Variants in SLC44A5 observed in about 807,000 individuals in gnomAD.
SLC44A5 encodes solute carrier family 44 member 5, also known as choline transporter-like protein 5.
SLC44A5 carries 57 observed loss-of-function variants against 101.8 expected under a neutral mutation model. The observed-to-expected ratio is 0.56, with a 90% CI of 0.45 to 0.70. The LOEUF (loss-of-function observed/expected upper bound fraction) is 0.70. Among genes scored for constraint, SLC44A5 ranks in the 30% least tolerant of loss-of-function variants. SLC44A5 has a pLI of 0.00. For synonymous variants in SLC44A5, 281 were observed against 290.9 expected (o/e 0.97, Z 0.35); for missense variants, 737 against 853.1 (o/e 0.86, Z 1.70).
At chr1:75,245,783 A>C (rs1057231199) in intron 7 of SLC44A5, among the ~76,000 whole-genome samples, 1 of 152,164 alleles carries the variant, frequency 6.6e-6, no homozygotes, top group Non-Finnish European at 1.5e-5. Flanking sequence ...CTGTTAAAAA[A>C]CAATACAACT....
At chr1:75,608,505 A>T (rs1402175828) in intron 1 of SLC44A5, among the ~76,000 whole-genome samples, 3 of 152,040 alleles carry the variant, frequency 2.0e-5, no homozygotes, top group Admixed American at 1.3e-4. Flanking sequence ...CAATTATTTT[A>T]AAATGTAAGT....
At chr1:75,516,828 G>A (rs1195778886) in intron 2 of SLC44A5, among the ~76,000 whole-genome samples, 1 of 152,120 alleles carries the variant, frequency 6.6e-6, no homozygotes, top group African/African-American at 2.4e-5. Context: ...GTCATATGGT[G>A]TATTTAAATT....
chr1:75,221,809 A>C (rs1647087577), intron 14 of SLC44A5, among the ~76,000 whole-genome samples: 1 of 152,176 alleles, frequency 6.6e-6, no homozygotes, highest in African/African-American at 2.4e-5. Flanking sequence ...ACGTAGACTA[A>C]ATAGGTTTTA....
the SLC44A5 span, among the ~76,000 whole-genome samples, chr1:75,674,620 TC>T: frequency 5.0e-4 from 10 of 19,930 alleles, no homozygotes; most frequent in South Asian, 5.4e-3. Context: ...GCTCGGGTGA[TC>T]CCCCCCAACC....
chr1:75,545,459 A>G (rs1010322297), intron 1 of SLC44A5, among the ~76,000 whole-genome samples: 2 of 152,182 alleles, frequency 1.3e-5, no homozygotes, highest in Admixed American at 1.3e-4. Flanking sequence ...GTTCTGTATG[A>G]TGTTTCCACT....
chr1:75,645,754 T>C, the SLC44A5 span, among the ~76,000 whole-genome samples: 2 of 136,404 alleles, frequency 1.5e-5, 1 homozygote, highest in Admixed American at 1.5e-4. Context: ...CTAGTGTTTT[T>C]ATGGTTTTAG....
At chr1:75,458,314 A>G (rs1255287991) in intron 2 of SLC44A5, among the ~76,000 whole-genome samples, 2 of 152,222 alleles carry the variant, frequency 1.3e-5, no homozygotes, top group Non-Finnish European at 2.9e-5. Context: ...TGGTTTGGTC[A>G]TGAGACTAAA....
At chr1:75,678,666 A>G in the SLC44A5 span, among the ~76,000 whole-genome samples, 46 of 150,384 alleles carry the variant, frequency 3.1e-4, no homozygotes, top group African/African-American at 1.1e-3. Flanking sequence ...TGGGGAAAAA[A>G]CAGAACAGAA....
At chr1:75,559,541 G>A (rs942154393) in intron 1 of SLC44A5, among the ~76,000 whole-genome samples, 1 of 152,138 alleles carries the variant, frequency 6.6e-6, no homozygotes, top group Admixed American at 6.6e-5. Context: ...AACAGGCAAA[G>A]GCAGTATCTG....
the SLC44A5 span, among the ~76,000 whole-genome samples, chr1:75,646,148 G>C: frequency 1.5e-5 from 2 of 135,344 alleles, 1 homozygote; most frequent in Non-Finnish European, 3.3e-5. Context: ...CTTTAAAGTA[G>C]TTTTTTCCAA....
At chr1:75,351,694 G>C (rs966902036) in intron 3 of SLC44A5, among the ~76,000 whole-genome samples, 2 of 151,916 alleles carry the variant, frequency 1.3e-5, no homozygotes, top group Non-Finnish European at 2.9e-5. Flanking sequence ...AGATGTTCTT[G>C]AGGATGGAAC....
chr1:75,317,117 T>C (rs552752038), intron 4 of SLC44A5, among the ~76,000 whole-genome samples: 2 of 152,338 alleles, frequency 1.3e-5, no homozygotes, highest in East Asian at 3.9e-4. Flanking sequence ...ATTTTAAAAG[T>C]ACGATTTTAA....
chr1:75,475,165 C>T (rs1667314162), intron 2 of SLC44A5, among the ~76,000 whole-genome samples: 1 of 152,204 alleles, frequency 6.6e-6, no homozygotes, highest in Admixed American at 6.5e-5. Flanking sequence ...TACGCCTCAT[C>T]TCTTAAATAT....
intron 22 of SLC44A5, among the ~76,000 whole-genome samples, chr1:75,212,666 C>G (rs1646881681): frequency 1.3e-5 from 2 of 152,066 alleles, no homozygotes; most frequent in South Asian, 4.1e-4. Context: ...TATCTTGTAC[C>G]CAAGGCAATA....
At chr1:75,662,086 G>T in the SLC44A5 span, among the ~76,000 whole-genome samples, 1 of 152,020 alleles carries the variant, frequency 6.6e-6, no homozygotes, top group Non-Finnish European at 1.5e-5. Flanking sequence ...CCATGATATG[G>T]AATCAACCTA....
At chr1:75,577,612 T>G (rs1303538330) in intron 1 of SLC44A5, among the ~76,000 whole-genome samples, 2 of 152,190 alleles carry the variant, frequency 1.3e-5, no homozygotes, top group Non-Finnish European at 2.9e-5. Context: ...ACTCCCCTTC[T>G]TCCGTTTATG....
intron 2 of SLC44A5, among the ~76,000 whole-genome samples, chr1:75,411,669 A>T (rs1044285701): frequency 1.8e-4 from 27 of 152,140 alleles, no homozygotes; most frequent in Non-Finnish European, 4.4e-5. Flanking sequence ...ATGAAAAATA[A>T]ACTCTAGTAT....
intron 4 of SLC44A5, among the ~76,000 whole-genome samples, chr1:75,329,193 G>C (rs914073545): frequency 6.6e-6 from 1 of 152,112 alleles, no homozygotes; most frequent in East Asian, 1.9e-4. Context: ...CTCCCTGCTG[G>C]ATAGCTGAGG....
intron 2 of SLC44A5, among the ~76,000 whole-genome samples, chr1:75,497,987 A>G (rs1284409316): frequency 6.6e-6 from 1 of 152,152 alleles, no homozygotes; most frequent in Non-Finnish European, 1.5e-5. Flanking sequence ...ACACAACAAG[A>G]TAAGGAGGAT....
Sources: gnomAD v4.1 joint callset for allele counts (sites outside exome capture counted in the v4.1 genomes callset) on GRCh38, gnomAD v4.1.1 for gene constraint, MANE v1.5 for transcripts, NCBI Gene and HGNC (gene_info 2026-07-23, HGNC 2026-07-21) for gene names.